The following SGCZ variants were observed in gnomAD, a reference collection of about 807,000 sequenced individuals.
SGCZ encodes the protein sarcoglycan zeta.
SGCZ carries 40 observed loss-of-function variants against 41.3 expected under a neutral mutation model. The observed-to-expected ratio is 0.97, with a 90% CI of 0.75 to 1.26. The LOEUF is 1.26. Among genes scored for constraint, SGCZ ranks in the 50% most tolerant of loss-of-function variants. The pLI, the probability that SGCZ is intolerant of heterozygous loss-of-function variation, is 0.00. For missense variants in SGCZ, 552 were observed against 369.8 expected, an observed-to-expected ratio of 1.49 and a Z score of -4.04; for synonymous variants, 206 against 137.5, an observed-to-expected ratio of 1.50 and a Z score of -3.49.
intron 1 of SGCZ, among the ~76,000 whole-genome samples, chr8:15,200,332 T>C (rs2117132307): frequency 6.6e-6 from 1 of 152,354 alleles, no homozygotes; most frequent in East Asian, 1.9e-4. Context: ...ATTAGAATTC[T>C]ACCAGGACTT....
intron 1 of SGCZ, among the ~76,000 whole-genome samples, chr8:14,889,565 T>C (rs1166272554): frequency 1.3e-5 from 2 of 151,854 alleles, no homozygotes; most frequent in Non-Finnish European, 2.9e-5. Context: ...TGACTTGGAC[T>C]CAAAATTCTT....
chr8:14,135,562 GA>G (rs1006250557), intron 5 of SGCZ, among the ~76,000 whole-genome samples: 4 of 151,968 alleles, frequency 2.6e-5, no homozygotes, highest in South Asian at 2.1e-4. Flanking sequence ...AGAAAAAAAT[GA>G]AAAAAATCTC....
At chr8:15,226,072 T>C (rs1362187545) in intron 1 of SGCZ, among the ~76,000 whole-genome samples, 1 of 152,150 alleles carries the variant, frequency 6.6e-6, no homozygotes, top group African/African-American at 2.4e-5. Flanking sequence ...TACAAAGACG[T>C]CTAAGCAACA....
intron 5 of SGCZ, among the ~76,000 whole-genome samples, chr8:14,163,350 T>A (rs892508526): frequency 4.6e-5 from 7 of 152,160 alleles, no homozygotes; most frequent in African/African-American, 1.7e-4. Context: ...CTCCAGTGTG[T>A]GTTGTTCCCC....
intron 1 of SGCZ, among the ~76,000 whole-genome samples, chr8:15,222,717 A>G (rs1801644260): frequency 6.6e-6 from 1 of 152,022 alleles, no homozygotes; most frequent in South Asian, 2.1e-4. Context: ...GATGCTCTTT[A>G]TGGCTTCCAA....
At position 14,710,498 on chromosome 8, in the gene SGCZ, T is replaced by C. The variant is rs1446817193; in HGVS notation, c.40-155572A>G. ...CAAGTGATTCTGAGAAACCGATCCT[T>C]GGCCTATGATTAATAATTTAGAAAT... On this transcript the variant is annotated intron_variant, in intron 1 of 7. Transcript: ENST00000382080. Among the ~76,000 whole-genome samples, 3 of 152,070 alleles carry C rather than the reference T, an allele frequency of 2.0e-5. No individual in the cohort carries two copies. The East Asian group carries it at 5.8e-4, about 29-fold the overall frequency.
intron 3 of SGCZ, among the ~76,000 whole-genome samples, chr8:14,275,042 C>T (rs1800181935): frequency 6.6e-6 from 1 of 152,106 alleles, no homozygotes; most frequent in Non-Finnish European, 1.5e-5. Context: ...TAATATCAGA[C>T]ATCAGGGATC....
intron 1 of SGCZ, among the ~76,000 whole-genome samples, chr8:15,124,196 A>G (rs534223921): frequency 2.4e-4 from 37 of 152,352 alleles, no homozygotes; most frequent in Non-Finnish European, 5.0e-4. Context: ...GTAGTCATCC[A>G]TGAAGTGGAC....
intron 1 of SGCZ, among the ~76,000 whole-genome samples, chr8:14,985,269 G>C (rs561136996): frequency 1.3e-5 from 2 of 152,186 alleles, no homozygotes; most frequent in African/African-American, 4.8e-5. Context: ...AGAGAATAAA[G>C]CATCCAAAAT....
chr8:14,989,845 C>A (rs1585443368), intron 1 of SGCZ, among the ~76,000 whole-genome samples: 1 of 152,028 alleles, frequency 6.6e-6, no homozygotes, highest in Non-Finnish European at 1.5e-5. Flanking sequence ...TAAGTAGGAA[C>A]CTGGAATTCT....
chr8:14,465,656 ATTAT>A (rs1801027723), intron 2 of SGCZ, among the ~76,000 whole-genome samples: 1 of 151,490 alleles, frequency 6.6e-6, no homozygotes, highest in Non-Finnish European at 1.5e-5. Context: ...TTTCATGTAC[ATTAT>A]TTAGCCATTT....
intron 2 of SGCZ, among the ~76,000 whole-genome samples, chr8:14,500,653 T>G (rs570157183): frequency 2.6e-5 from 4 of 152,168 alleles, no homozygotes; most frequent in Non-Finnish European, 5.9e-5. Context: ...AATATATACC[T>G]GTATTATTGA....
chr8:14,970,891 C>A (rs537540476), intron 1 of SGCZ, among the ~76,000 whole-genome samples: 1 of 152,232 alleles, frequency 6.6e-6, no homozygotes, highest in African/African-American at 2.4e-5. Context: ...TTGAGGAGAA[C>A]TGGCATGCTA....
At chr8:15,118,974 C>T (rs894526093) in intron 1 of SGCZ, among the ~76,000 whole-genome samples, 1 of 152,256 alleles carries the variant, frequency 6.6e-6, no homozygotes, top group Admixed American at 6.5e-5. Flanking sequence ...TTCTAAATTA[C>T]AAAATAGACA....
intron 1 of SGCZ, among the ~76,000 whole-genome samples, chr8:14,999,182 C>A (rs1015780104): frequency 2.6e-4 from 39 of 152,098 alleles, no homozygotes; most frequent in Admixed American, 1.6e-3. Context: ...ACGGTTCAAA[C>A]CAGTCACTTA....
chr8:15,162,008 G>A lies in SGCZ; in HGVS notation c.39+75577C>T, dbSNP rs985471290. Reference sequence around the variant, plus strand: ...ATTGCACCACGGCACTCCAGCCTGGGTAACAGCGTGAAAAGAGGCAAACTG... The same window carrying A: ...ATTGCACCACGGCACTCCAGCCTGGATAACAGCGTGAAAAGAGGCAAACTG... On this transcript the variant is annotated intron_variant, in intron 1 of 7. Coordinates refer to ENST00000382080, the MANE Select transcript of SGCZ (RefSeq NM_139167.4). Among the ~76,000 whole-genome samples, 9 of 152,174 alleles carry A rather than the reference G, an allele frequency of 5.9e-5. No homozygotes were observed. The South Asian group carries it at 1.9e-3, about 31-fold the overall frequency.
chr8:15,131,872 G>T lies in SGCZ; in HGVS notation c.39+105713C>A, dbSNP rs570858838. Among the ~76,000 whole-genome samples the T allele has an allele frequency of 9.9e-5, 15 of 152,246 alleles. No homozygotes were observed. In the South Asian group the frequency reaches 2.9e-3, roughly 29 times the overall value. On this transcript the variant is annotated intron_variant, in intron 1 of 7. Transcript: ENST00000382080. ...GTGAAATGTGTTTCTCAGCCTGAAA[G>T]GTCTGCAAGCTCTTCATCTTTCCTA... is the stretch of plus-strand genomic sequence containing the variant.
At chr8:14,515,437 A>G (rs934005553) in intron 2 of SGCZ, among the ~76,000 whole-genome samples, 1 of 152,124 alleles carries the variant, frequency 6.6e-6, no homozygotes, top group Non-Finnish European at 1.5e-5. Flanking sequence ...CATACGCATC[A>G]ATATGTATCT....
intron 2 of SGCZ, among the ~76,000 whole-genome samples, chr8:14,469,971 C>A (rs1050391375): frequency 2.0e-5 from 3 of 152,058 alleles, no homozygotes; most frequent in Non-Finnish European, 4.4e-5. Flanking sequence ...TCCACTCCAG[C>A]AAGTTAATTG....
Sources: gnomAD v4.1 joint callset for allele counts (sites outside exome capture counted in the v4.1 genomes callset) on GRCh38, gnomAD v4.1.1 for gene constraint, MANE v1.5 for transcripts, NCBI Gene and HGNC (gene_info 2026-07-23, HGNC 2026-07-21) for gene names.